The following LINC00632 variants were observed in gnomAD, a reference collection of about 807,000 sequenced individuals.
LINC00632 encodes the protein ALDOA related specific transcript.
exon 5 of LINC00632, among the ~76,000 whole-genome samples, chrX:140,787,350 T>C (rs765029426): frequency 8.9e-6 from 1 of 111,783 alleles, no homozygotes; most frequent in Non-Finnish European, 1.9e-5. Flanking sequence ...CAACTTTCTA[T>C]GTCAGTAACT....
At chrX:140,783,005 C>A (rs1190440516) in exon 5 of LINC00632, 1 of 113,541 alleles carries the variant, frequency 8.8e-6, no homozygotes, top group Non-Finnish European at 1.8e-5. Flanking sequence ...AGGTACAGGA[C>A]TTACAATATC....
rs190672272 is a variant in LINC00632 at position 140,732,199 on chromosome X, C to T, written n.105-1679C>T. On this transcript the variant is annotated intron_variant and non_coding_transcript_variant, in intron 2 of 4. Transcript: ENST00000648200. ...AGCCTGGGCGACAAGAGTGAAACTC[C>T]ACCTCAAAAAACAACAACAAAAAAC... 3.4e-3 allele frequency among the ~76,000 whole-genome samples: 373 copies of T among 110,417 alleles called. 1 individual carries two copies. The highest frequency in any genetic ancestry group is 0.012 in the African/African-American group (348 of 30,258).
At position 140,722,364 on chromosome X, in the gene LINC00632, T is replaced by TAAAA. The variant is rs78229215; in HGVS notation, n.104+10720_104+10723dup. Among the ~76,000 whole-genome samples the TAAAA allele has an allele frequency of 2.2e-3, 207 of 93,472 alleles. 1 individual carries two copies. Among genetic ancestry groups the TAAAA allele is most frequent in the African/African-American group, 7.0e-3 (179 of 25,499 alleles). The allele number at this position is 93,472 out of a possible 115,157, so 81.2% of individuals were successfully genotyped here. Reference sequence around the variant, plus strand: ...AAATGCTGGACAGTGCACCTGCAGTTAAAAAAAAAAAAAAACAACCTCACA... The same window carrying TAAAA: ...AAATGCTGGACAGTGCACCTGCAGTTAAAAAAAAAAAAAAAAAAACAACCTCACA... On this transcript the variant is annotated intron_variant and non_coding_transcript_variant, in intron 2 of 4. Coordinates refer to ENST00000648200, the Ensembl canonical transcript of LINC00632.
At chrX:140,724,484 CACACACATTCCAT>C (rs1569348764) in intron 2 of LINC00632, among the ~76,000 whole-genome samples, 13 of 17,670 alleles carry the variant, frequency 7.4e-4, no homozygotes, top group African/African-American at 1.1e-3. Flanking sequence ...TACATACACA[CACACACATTCCAT>C]ACACACACAC....
At chrX:140,760,267 T>C (rs940607489) in intron 3 of LINC00632, among the ~76,000 whole-genome samples, 17 of 111,804 alleles carry the variant, frequency 1.5e-4, no homozygotes, top group African/African-American at 5.2e-4. Flanking sequence ...GCCACGCCCA[T>C]GAATAATTCC....
At chrX:140,723,679 TAC>T (rs1930804577) in intron 2 of LINC00632, among the ~76,000 whole-genome samples, 1 of 192 alleles carries the variant, frequency 5.2e-3, no homozygotes, top group African/African-American at 0.021. Flanking sequence ...ACACATTCCA[TAC>T]ACACACATAG....
intron 2 of LINC00632, among the ~76,000 whole-genome samples, chrX:140,712,408 CTTTT>C (rs61359627): frequency 5.9e-5 from 5 of 84,426 alleles, no homozygotes; most frequent in Admixed American, 1.4e-4. Flanking sequence ...CCTTCAACCT[CTTTT>C]TTTTTTTTTT....
exon 5 of LINC00632, among the ~76,000 whole-genome samples, chrX:140,788,743 CT>C (rs1268388908): frequency 6.9e-5 from 5 of 72,662 alleles, no homozygotes; most frequent in South Asian, 5.7e-4. Flanking sequence ...TTTCAAATCA[CT>C]TTTTTTCTGT....
chrX:140,760,462 G>A (rs1931579450), intron 3 of LINC00632, among the ~76,000 whole-genome samples: 1 of 111,554 alleles, frequency 9.0e-6, no homozygotes, highest in Non-Finnish European at 1.9e-5. Flanking sequence ...TGAGGGATGT[G>A]GTAAAACAGA....
intron 3 of LINC00632, among the ~76,000 whole-genome samples, chrX:140,770,759 T>G (rs929443024): frequency 1.8e-5 from 2 of 112,036 alleles, no homozygotes; most frequent in Non-Finnish European, 3.8e-5. Flanking sequence ...TGAGTGACTA[T>G]TTATTTATTA....
rs758832600 is a variant in LINC00632 at position 140,780,800 on chromosome X, C to T, written n.8819C>T. On this transcript the variant is annotated non_coding_transcript_exon_variant, in exon 5 of 5. Transcript: ENST00000648200. ...AGTGTTATTCAGAATCCTAAGTATT[C>T]ATCATAACTGATGCTGTGTCTGCTG... is the stretch of plus-strand genomic sequence containing the variant. 5.4e-5 allele frequency among the ~76,000 whole-genome samples: 6 copies of T among 111,651 alleles called. No individual in the cohort carries two copies. In the South Asian group the frequency reaches 2.3e-3, roughly 42 times the overall value.
chrX:140,762,204 T>C (rs757112051), intron 3 of LINC00632, among the ~76,000 whole-genome samples: 4,915 of 50,979 alleles, frequency 0.096, 117 homozygotes, highest in Non-Finnish European at 0.13. Flanking sequence ...CGTCAGTTTT[T>C]CGAAAAGAGA....
chrX:140,784,142 C>T (rs878952309), exon 5 of LINC00632: 1 of 1,209,738 alleles, frequency 8.3e-7, no homozygotes, highest in South Asian at 1.8e-5. Context: ...TGTCTTCCCT[C>T]AAATCCATAG....
At chrX:140,774,646 T>C (rs1357773855) in exon 5 of LINC00632, among the ~76,000 whole-genome samples, 2 of 111,989 alleles carry the variant, frequency 1.8e-5, no homozygotes, top group East Asian at 2.8e-4. Flanking sequence ...AGCATTTTCA[T>C]TGATCCATTA....
chrX:140,745,215 C>T (rs1931308003), intron 3 of LINC00632, among the ~76,000 whole-genome samples: 1 of 109,632 alleles, frequency 9.1e-6, no homozygotes, highest in South Asian at 4.0e-4. Context: ...TTGGTGTTTT[C>T]TAAGGTAGCC....
intron 2 of LINC00632, among the ~76,000 whole-genome samples, chrX:140,724,189 TACAC>T (rs1258569894): frequency 7.5e-5 from 1 of 13,318 alleles, no homozygotes; most frequent in Non-Finnish European, 1.8e-4. Flanking sequence ...ACACATTCTG[TACAC>T]ACAGACACAC....
chrX:140,760,135 GAAC>G (rs1386591714), intron 3 of LINC00632, among the ~76,000 whole-genome samples: 4 of 112,082 alleles, frequency 3.6e-5, no homozygotes, highest in African/African-American at 1.3e-4. Context: ...ACTGAGGTAA[GAAC>G]AAAGTGATGT....
At chrX:140,763,225 G>A (rs1261570006) in intron 3 of LINC00632, among the ~76,000 whole-genome samples, 8 of 110,322 alleles carry the variant, frequency 7.3e-5, no homozygotes, top group African/African-American at 1.3e-4. Context: ...GTGAAACCCC[G>A]TCTCTATTAA....
At chrX:140,774,569 G>A (rs955516560) in exon 5 of LINC00632, among the ~76,000 whole-genome samples, 1 of 111,232 alleles carries the variant, frequency 9.0e-6, no homozygotes, top group African/African-American at 3.3e-5. Flanking sequence ...GCAGAAGACT[G>A]AGCTTACATC....
Sources: gnomAD v4.1 joint callset for allele counts (sites outside exome capture counted in the v4.1 genomes callset) on GRCh38, gnomAD v4.1.1 for gene constraint, MANE v1.5 for transcripts, NCBI Gene and HGNC (gene_info 2026-07-23, HGNC 2026-07-21) for gene names.